The following SOS2 variants were observed in gnomAD, a reference collection of about 807,000 sequenced individuals.
SOS2 encodes SOS Ras/Rho guanine nucleotide exchange factor 2.
SOS2 carries 65 observed loss-of-function variants against 148.2 expected under a neutral mutation model. That is an observed-to-expected ratio of 0.44 (90% CI 0.36 to 0.54). The LOEUF (loss-of-function observed/expected upper bound fraction) is 0.54. Among genes scored for constraint, SOS2 ranks in the 20% least tolerant of loss-of-function variants. SOS2 has a pLI of 0.00. For missense variants in SOS2, 1,341 were observed against 1,590.2 expected, an observed-to-expected ratio of 0.84 and a Z score of 2.67; for synonymous variants, 539 against 537.1, an observed-to-expected ratio of 1.00 and a Z score of -0.05.
intron 1 of SOS2, chr14:50,230,851 G>T: frequency 1.0e-6 from 1 of 1,000,592 alleles, no homozygotes; most frequent in Non-Finnish European, 1.2e-6. Flanking sequence ...CTGAAAATGT[G>T]CTTTTGTTTT....
At chr14:50,214,544 T>G (rs1277303848) in intron 1 of SOS2, among the ~76,000 whole-genome samples, 1 of 152,006 alleles carries the variant, frequency 6.6e-6, no homozygotes, top group Non-Finnish European at 1.5e-5. Flanking sequence ...CTAGGCGTAG[T>G]GGGGTGTCTG....
intron 1 of SOS2, among the ~76,000 whole-genome samples, chr14:50,213,828 A>G (rs965412283): frequency 2.6e-5 from 4 of 151,656 alleles, no homozygotes; most frequent in African/African-American, 9.7e-5. Flanking sequence ...TGCATATTAA[A>G]GAATATTAAA....
chr14:50,208,007 C>T (rs1210879536), intron 1 of SOS2, among the ~76,000 whole-genome samples: 1 of 151,950 alleles, frequency 6.6e-6, no homozygotes, highest in African/African-American at 2.4e-5. Context: ...GATAAAATCT[C>T]TTTGTGGGCC....
intron 1 of SOS2, among the ~76,000 whole-genome samples, chr14:50,220,369 G>GCA (rs1049741656): frequency 2.3e-5 from 3 of 131,950 alleles, no homozygotes; most frequent in Non-Finnish European, 4.7e-5. Context: ...TAGCACCACT[G>GCA]CACTCCAGCC....
intron 21 of SOS2, among the ~76,000 whole-genome samples, chr14:50,125,059 T>G (rs978441420): frequency 6.6e-6 from 1 of 152,240 alleles, no homozygotes; most frequent in South Asian, 2.1e-4. Flanking sequence ...CATAACCTAG[T>G]ACCTATAATT....
chr14:50,133,303 G>A (rs1442150514), intron 19 of SOS2, among the ~76,000 whole-genome samples: 10 of 123,710 alleles, frequency 8.1e-5, no homozygotes, highest in African/African-American at 3.1e-4. Flanking sequence ...TTGGAGTGAA[G>A]TGGAGTGATC....
Position 50,178,721 on chromosome 14 carries a change from TAC to T in SOS2, c.969+1849_969+1850del, listed in dbSNP as rs60850219. Among the ~76,000 whole-genome samples the T allele has an allele frequency of 6.3e-3, 833 of 133,254 alleles. 29 individuals carry two copies. The highest frequency in any genetic ancestry group is 0.022 in the African/African-American group (773 of 34,680). 87.4% of individuals were successfully genotyped at this position (133,254 alleles called of 152,430 possible). A position where few individuals can be genotyped will look rare whatever the true frequency, so the allele number is the denominator to read the frequency against. ...ATATATATATATATATACACACATA[TAC>T]ACACACATATATATATATATATTTT... On this transcript the variant is annotated intron_variant, in intron 7 of 22. Coordinates refer to ENST00000216373, the MANE Select transcript of SOS2 (RefSeq NM_006939.4).
intron 5 of SOS2, among the ~76,000 whole-genome samples, chr14:50,185,940 C>A (rs1885895101): frequency 6.6e-6 from 1 of 151,968 alleles, no homozygotes. Flanking sequence ...AGTAATTTGC[C>A]CGTTATCACA....
At chr14:50,216,010 C>T (rs1569898) in intron 1 of SOS2, among the ~76,000 whole-genome samples, 132,989 of 152,192 alleles carry the variant, frequency 0.87, 58,215 homozygotes, top group East Asian at 0.91. Context: ...CTTCATTGTG[C>T]TGCCAAGATT....
Position 50,180,743 on chromosome 14 carries a change from G to A in SOS2, c.859-61C>T, listed in dbSNP as rs989849535. ...AAAGAATATATTTTCTACCAATATG[G>A]TACAGATTATTATCACTTGATCCCA... On this transcript the variant is annotated intron_variant, in intron 6 of 22. Transcript: ENST00000216373. 13 of 927,770 alleles carry A rather than the reference G, an allele frequency of 1.4e-5. No homozygotes were observed. In the Middle Eastern group the frequency reaches 7.7e-4, roughly 55 times the overall value. The allele number at this position is 927,770 out of a possible 1,614,324, so 57.5% of individuals were successfully genotyped here.
intron 7 of SOS2, among the ~76,000 whole-genome samples, chr14:50,177,716 T>C (rs530912982): frequency 6.6e-6 from 1 of 152,334 alleles, no homozygotes; most frequent in East Asian, 1.9e-4. Flanking sequence ...GTATAATTTG[T>C]ATTCCATGAT....
Position 50,195,976 on chromosome 14 carries a change from G to A in SOS2, c.510+3715C>T, listed in dbSNP as rs1472744860. On this transcript the variant is annotated intron_variant, in intron 4 of 22. Coordinates refer to ENST00000216373, the MANE Select transcript of SOS2 (RefSeq NM_006939.4). ...TGGGAGGCGGAGGTTGCAGTGAGCC[G>A]AGATCACACCACTGCACTCCAACCT... Among the ~76,000 whole-genome samples the A allele has an allele frequency of 3.3e-5, 5 of 151,796 alleles. No homozygotes were observed. In the South Asian group the frequency reaches 6.2e-4, roughly 19 times the overall value.
chr14:50,191,936 A>G (rs1028194617), intron 4 of SOS2, among the ~76,000 whole-genome samples: 1 of 152,092 alleles, frequency 6.6e-6, no homozygotes, highest in Non-Finnish European at 1.5e-5. Flanking sequence ...GGATTGCTTG[A>G]GCCCAGGAGT....
chr14:50,185,419 C>T (rs556490068), intron 5 of SOS2, among the ~76,000 whole-genome samples: 82 of 152,178 alleles, frequency 5.4e-4, no homozygotes, highest in Admixed American at 5.2e-4. Flanking sequence ...GGGTCAGGCG[C>T]GGTGGCTCAT....
chr14:50,126,776 GA>G (rs1883692374), intron 21 of SOS2, among the ~76,000 whole-genome samples: 1 of 151,654 alleles, frequency 6.6e-6, no homozygotes, highest in Admixed American at 6.6e-5. Context: ...ATGAGAATAA[GA>G]AAAAGGAGCT....
chr14:50,189,331 C>CAATAAAAAAAAAAAAAAA (rs1555321141), intron 4 of SOS2, among the ~76,000 whole-genome samples: 1 of 31,486 alleles, frequency 3.2e-5, no homozygotes, highest in Non-Finnish European at 6.6e-5. Context: ...CACATAATAG[C>CAATAAAAAAAAAAAAAAA]AAAAAAAAAA....
At chr14:50,194,851 C>T (rs77298690) in intron 4 of SOS2, among the ~76,000 whole-genome samples, 328 of 151,130 alleles carry the variant, frequency 2.2e-3, no homozygotes, top group Non-Finnish European at 2.5e-3. Flanking sequence ...AGTGCAGTGG[C>T]GTGATCTCGG....
intron 1 of SOS2, among the ~76,000 whole-genome samples, chr14:50,220,139 G>A (rs937452921): frequency 2.0e-5 from 3 of 150,136 alleles, no homozygotes; most frequent in Admixed American, 1.3e-4. Flanking sequence ...GGTGGCTCAC[G>A]CCTGTAATCC....
intron 1 of SOS2, among the ~76,000 whole-genome samples, chr14:50,221,616 T>C (rs1175843097): frequency 6.6e-6 from 1 of 152,126 alleles, no homozygotes; most frequent in African/African-American, 2.4e-5. Context: ...TCTAGCCTAG[T>C]GGAAAAATAC....
Sources: gnomAD v4.1 joint callset for allele counts (sites outside exome capture counted in the v4.1 genomes callset) on GRCh38, gnomAD v4.1.1 for gene constraint, MANE v1.5 for transcripts, NCBI Gene and HGNC (gene_info 2026-07-23, HGNC 2026-07-21) for gene names.